KCNH7: variants seen among roughly 807,000 people sequenced by gnomAD.
The protein encoded by KCNH7 is potassium voltage-gated channel subfamily H member 7.
KCNH7 carries 49 observed loss-of-function variants against 120.8 expected under a neutral mutation model. The ratio of observed to expected loss-of-function variants is 0.41; its 90% CI spans 0.32 to 0.51. The LOEUF is 0.51. KCNH7 is among the 20% of genes least tolerant of loss of function. The pLI, the probability that KCNH7 is intolerant of heterozygous loss-of-function variation, is 0.38. For synonymous variants in KCNH7, 547 were observed against 516.1 expected (o/e 1.06, Z -0.81); for missense variants, 1,097 against 1,446.6 (o/e 0.76, Z 3.92).
intron 2 of KCNH7, among the ~76,000 whole-genome samples, chr2:162,592,086 T>G (rs1694231856): frequency 6.6e-6 from 1 of 152,102 alleles, no homozygotes; most frequent in African/African-American, 2.4e-5. Context: ...CTTATCTTTT[T>G]CAATTTAACA....
chr2:162,475,725 T>C (rs1197903721), intron 6 of KCNH7, among the ~76,000 whole-genome samples: 2 of 151,992 alleles, frequency 1.3e-5, no homozygotes, highest in Non-Finnish European at 1.5e-5. Context: ...TAACATGGAG[T>C]CCTTGAAGGC....
intron 6 of KCNH7, among the ~76,000 whole-genome samples, chr2:162,451,705 A>ATAGG (rs1346496548): frequency 6.6e-6 from 1 of 152,002 alleles, no homozygotes; most frequent in Non-Finnish European, 1.5e-5. Context: ...ATGTAGATAG[A>ATAGG]TAGTTTGATC....
intron 2 of KCNH7, among the ~76,000 whole-genome samples, chr2:162,669,523 CAAAA>C (rs1208491427): frequency 6.6e-6 from 1 of 152,152 alleles, no homozygotes; most frequent in East Asian, 1.9e-4. Context: ...CTATTGCTCT[CAAAA>C]GAACAAGACA....
chr2:162,492,382 T>C (rs1690339298), intron 6 of KCNH7, among the ~76,000 whole-genome samples: 1 of 152,192 alleles, frequency 6.6e-6, no homozygotes, highest in Admixed American at 6.5e-5. Context: ...CTTTGGGGGC[T>C]TGACCTTGTA....
intron 2 of KCNH7, among the ~76,000 whole-genome samples, chr2:162,604,671 G>T (rs1694671270): frequency 1.3e-5 from 2 of 152,036 alleles, no homozygotes; most frequent in South Asian, 2.1e-4. Context: ...AACAGAAACA[G>T]AAGAGCTAAT....
At chr2:162,608,306 C>G (rs1682849976) in intron 2 of KCNH7, among the ~76,000 whole-genome samples, 1 of 152,080 alleles carries the variant, frequency 6.6e-6, no homozygotes, top group South Asian at 2.1e-4. Context: ...CTTTTAACTC[C>G]AAACAAAATT....
chr2:162,435,778 C>A (rs1372197404), intron 7 of KCNH7, among the ~76,000 whole-genome samples, 181 bp from the exon 8 acceptor site: 1 of 151,870 alleles, frequency 6.6e-6, no homozygotes, highest in Non-Finnish European at 1.5e-5. Context: ...TTGGAAAATA[C>A]TTTGAAAGTG....
chr2:162,819,104 C>G (rs1159079957), intron 2 of KCNH7, among the ~76,000 whole-genome samples: 1 of 152,108 alleles, frequency 6.6e-6, no homozygotes, highest in East Asian at 1.9e-4. Flanking sequence ...ACTAAAGAGA[C>G]ATGCCAACAA....
intron 2 of KCNH7, among the ~76,000 whole-genome samples, chr2:162,731,249 T>C (rs1378143506): frequency 6.7e-6 from 1 of 148,670 alleles, no homozygotes; most frequent in Non-Finnish European, 1.5e-5. Flanking sequence ...TGTGTGTGTG[T>C]ATAATATTAT....
intron 12 of KCNH7, among the ~76,000 whole-genome samples, chr2:162,392,091 A>C (rs1418326874): frequency 1.3e-5 from 2 of 152,074 alleles, no homozygotes; most frequent in Non-Finnish European, 2.9e-5. Context: ...AAGGAAAAAA[A>C]TACACCAGTA....
At chr2:162,461,981 T>C (rs2105607922) in intron 6 of KCNH7, among the ~76,000 whole-genome samples, 1 of 152,282 alleles carries the variant, frequency 6.6e-6, no homozygotes, top group East Asian at 1.9e-4. Context: ...ATGGAGTCTC[T>C]GTCAGTTTTA....
intron 2 of KCNH7, among the ~76,000 whole-genome samples, chr2:162,546,598 G>A (rs909814715): frequency 2.0e-5 from 3 of 152,192 alleles, no homozygotes; most frequent in African/African-American, 7.2e-5. Context: ...AACTGAGGCT[G>A]TGAATGGTGA....
intron 6 of KCNH7, among the ~76,000 whole-genome samples, chr2:162,482,407 G>A (rs1292127922): frequency 6.6e-6 from 1 of 152,040 alleles, no homozygotes; most frequent in African/African-American, 2.4e-5. Flanking sequence ...TTGGGGTGAG[G>A]AGCAAATGCC....
intron 2 of KCNH7, among the ~76,000 whole-genome samples, chr2:162,768,537 G>A (rs1682914036): frequency 6.6e-6 from 1 of 152,132 alleles, no homozygotes; most frequent in Non-Finnish European, 1.5e-5. Context: ...ATGGATATAG[G>A]ATAGAGAAAA....
intron 6 of KCNH7, among the ~76,000 whole-genome samples, chr2:162,476,463 T>C (rs1001157142): frequency 2.6e-5 from 4 of 152,194 alleles, no homozygotes; most frequent in African/African-American, 9.6e-5. Flanking sequence ...TGAAACTAGA[T>C]AATTTTTACA....
At chr2:162,509,244 C>T (rs1356631496) in intron 5 of KCNH7, among the ~76,000 whole-genome samples, 1 of 151,266 alleles carries the variant, frequency 6.6e-6, no homozygotes, top group Non-Finnish European at 1.5e-5. Flanking sequence ...TTATGAGATG[C>T]TAAAGGAGAA....
chr2:162,588,827 C>T (rs1574139622), intron 2 of KCNH7, among the ~76,000 whole-genome samples: 1 of 152,008 alleles, frequency 6.6e-6, no homozygotes, highest in Non-Finnish European at 1.5e-5. Context: ...AGAAGGTGTT[C>T]CTCCTATCTA....
At chr2:162,578,664 A>T (rs765471557) in intron 2 of KCNH7, among the ~76,000 whole-genome samples, 3 of 152,068 alleles carry the variant, frequency 2.0e-5, no homozygotes, top group African/African-American at 4.8e-5. Context: ...GGCTAACTGG[A>T]AGGTGGCACT....
chr2:162,624,824 T>C (rs1396703019), intron 2 of KCNH7, among the ~76,000 whole-genome samples: 1 of 150,886 alleles, frequency 6.6e-6, no homozygotes, highest in Admixed American at 6.6e-5. Context: ...CAATGATTCA[T>C]ATTACGCCAC....
Sources: allele counts gnomAD v4.1 joint callset (sites outside exome capture counted in the v4.1 genomes callset), GRCh38; gene constraint gnomAD v4.1.1; transcripts MANE v1.5; gene names NCBI Gene and HGNC (gene_info 2026-07-23, HGNC 2026-07-21).